The following UTRN variants were observed in gnomAD, a reference collection of about 807,000 sequenced individuals.
The protein encoded by UTRN is dystrophin-related protein 1.
A neutral mutation model predicts 463.9 loss-of-function variants in UTRN; 283 were observed. That is an observed-to-expected ratio of 0.61 (90% CI 0.55 to 0.67). The LOEUF (loss-of-function observed/expected upper bound fraction) is 0.67, where lower values mean the gene tolerates loss of function less well. Ranked by LOEUF, UTRN falls within the 30% of genes least tolerant of loss-of-function variation. UTRN has a pLI of 0.00. For missense variants in UTRN, 3,922 were observed against 4,084.3 expected, an observed-to-expected ratio of 0.96 and a Z score of 1.08; for synonymous variants, 1,442 against 1,431.5, an observed-to-expected ratio of 1.01 and a Z score of -0.17.
chr6:144,644,017 A>G (rs1778043790), intron 51 of UTRN, among the ~76,000 whole-genome samples: 1 of 152,282 alleles, frequency 6.6e-6, no homozygotes, highest in East Asian at 1.9e-4. Flanking sequence ...TCTTCTTAAT[A>G]TTGAATCACG....
intron 2 of UTRN, chr6:144,398,399 ATTC>A (rs1366294027): frequency 5.2e-6 from 2 of 382,050 alleles, no homozygotes; most frequent in African/African-American, 4.3e-5. Flanking sequence ...TCTGGCTGGG[ATTC>A]TTCTTGCATT....
intron 72 of UTRN, among the ~76,000 whole-genome samples, chr6:144,840,119 C>T (rs995160735): frequency 9.9e-5 from 15 of 151,632 alleles, no homozygotes; most frequent in East Asian, 3.9e-4. Context: ...ACCTGGGAGG[C>T]GGAGGTTGCA....
At position 144,305,057 on chromosome 6, in the gene UTRN, G is replaced by A. The variant is rs61327932; in HGVS notation, c.79+13150G>A. On this transcript the variant is annotated intron_variant, in intron 2 of 74. Coordinates refer to ENST00000367545, the MANE Select transcript of UTRN (RefSeq NM_007124.3). Reference sequence around the variant, plus strand: ...AACAATTCTTGTGCCTCAGCCACCCGAATAGCTGAGATTACAGGCATATAC... The same window carrying A: ...AACAATTCTTGTGCCTCAGCCACCCAAATAGCTGAGATTACAGGCATATAC... Among the ~76,000 whole-genome samples the A allele has an allele frequency of 8.4e-3, 1,276 of 151,718 alleles. 76 individuals carry two copies. In the East Asian group the frequency reaches 0.16, roughly 19 times the overall value.
intron 51 of UTRN, among the ~76,000 whole-genome samples, chr6:144,656,400 C>G (rs1485647437): frequency 2.0e-5 from 3 of 152,148 alleles, no homozygotes; most frequent in Non-Finnish European, 2.9e-5. Context: ...TGTGTACTGA[C>G]TTTAAACTAA....
At chr6:144,732,237 T>TACAC (rs1554359903) in intron 54 of UTRN, among the ~76,000 whole-genome samples, 21 of 87,340 alleles carry the variant, frequency 2.4e-4, no homozygotes, top group Middle Eastern at 5.2e-3. Flanking sequence ...TATATATATA[T>TACAC]ACATATATAT....
At chr6:144,321,403 C>T (rs6905439) in intron 2 of UTRN, among the ~76,000 whole-genome samples, 78 of 151,664 alleles carry the variant, frequency 5.1e-4, no homozygotes, top group African/African-American at 1.8e-3. Flanking sequence ...AAGTAGCTTG[C>T]CCAACACGGG....
intron 34 of UTRN, among the ~76,000 whole-genome samples, chr6:144,508,431 G>A (rs1043744623): frequency 6.6e-6 from 1 of 152,194 alleles, no homozygotes; most frequent in Non-Finnish European, 1.5e-5. Flanking sequence ...CTTGAGAAAA[G>A]TGTAGTATCT....
intron 50 of UTRN, among the ~76,000 whole-genome samples, chr6:144,559,618 G>C (rs1369773546): frequency 6.6e-6 from 1 of 152,042 alleles, no homozygotes; most frequent in African/African-American, 2.4e-5. Context: ...AACTTTAATG[G>C]ATACGAGTGA....
At chr6:144,333,799 C>A (rs1776508125) in intron 2 of UTRN, among the ~76,000 whole-genome samples, 1 of 152,214 alleles carries the variant, frequency 6.6e-6, no homozygotes, top group South Asian at 2.1e-4. Context: ...GAAAAAGATA[C>A]ACTTATATAC....
intron 53 of UTRN, among the ~76,000 whole-genome samples, chr6:144,723,756 C>A (rs999301910): frequency 6.6e-6 from 1 of 152,030 alleles, no homozygotes; most frequent in Non-Finnish European, 1.5e-5. Flanking sequence ...AATCCCAGCA[C>A]TTTGGGAGGC....
rs947134094 is a variant in UTRN at position 144,514,016 on chromosome 6, T to A, written c.5052T>A (p.Ser1684Arg). Residue 1684 changes from serine to arginine, a missense_variant, in exon 36 of 75, where the codon AGT becomes AGA. Physicochemically the swap from Ser to Arg is moderately radical, Grantham distance 110 (BLOSUM62 -1). Coordinates refer to ENST00000367545, the MANE Select transcript of UTRN (RefSeq NM_007124.3). ...ATGAAATTGAAAAGAAACCAACAAG[T>A]AAACAGGAAGAAATTGTGAAGGTAG... ...LLDEIEKKPT[S>R]KQEEIVKRLV... 1.9e-6 allele frequency: 3 copies of A among 1,613,898 alleles called. No homozygotes were observed. Among genetic ancestry groups the A allele is most frequent in the Non-Finnish European group, 2.5e-6 (3 of 1,179,874 alleles).
chr6:144,444,180 A>AT (rs1343134284), intron 13 of UTRN, 101 bp from the exon 14 acceptor site: 4 of 926,108 alleles, frequency 4.3e-6, no homozygotes, highest in Non-Finnish European at 6.3e-6. Flanking sequence ...ATAAGTTGTT[A>AT]TTCTATAATA....
chr6:144,350,438 A>G (rs902169425), intron 2 of UTRN, among the ~76,000 whole-genome samples: 1 of 152,138 alleles, frequency 6.6e-6, no homozygotes, highest in African/African-American at 2.4e-5. Flanking sequence ...CAAAATTGAA[A>G]CCATCCTGAT....
chr6:144,371,516 A>G (rs1051248738), intron 2 of UTRN, among the ~76,000 whole-genome samples: 1 of 152,166 alleles, frequency 6.6e-6, no homozygotes, highest in Non-Finnish European at 1.5e-5. Context: ...GGTTCAAGCA[A>G]TTCTCCTGCC....
chr6:144,829,281 C>CTTAGATAT (rs1349289070), intron 69 of UTRN, among the ~76,000 whole-genome samples: 3 of 152,070 alleles, frequency 2.0e-5, no homozygotes, highest in African/African-American at 4.8e-5. Context: ...CTGACCCACA[C>CTTAGATAT]ATACTTAGAT....
chr6:144,538,190 G>A (rs1562542658), intron 44 of UTRN, among the ~76,000 whole-genome samples: 1 of 151,974 alleles, frequency 6.6e-6, no homozygotes, highest in Non-Finnish European at 1.5e-5. Flanking sequence ...TTGTTGGTTT[G>A]CAACTAACAA....
intron 51 of UTRN, among the ~76,000 whole-genome samples, chr6:144,665,138 A>C (rs147912097): frequency 1.5e-3 from 232 of 152,330 alleles, no homozygotes; most frequent in Non-Finnish European, 2.9e-3. Flanking sequence ...CACTGTTGCC[A>C]CATAAGGTTA....
At position 144,789,380 on chromosome 6, in the gene UTRN, TTC is replaced by T. The variant is rs941961933; in HGVS notation, c.8920+109_8920+110del. On this transcript the variant is annotated intron_variant, in intron 62 of 74. Coordinates refer to ENST00000367545, the MANE Select transcript of UTRN (RefSeq NM_007124.3). Reference sequence around the variant, plus strand: ...TTATATAATTTGTTAGTAGTAATAGTTCTCTCTCTTTTTTTAACCCTTACTGT... The same window carrying T: ...TTATATAATTTGTTAGTAGTAATAGTTCTCTCTTTTTTTAACCCTTACTGT... 12 of 1,020,714 alleles carry T rather than the reference TTC, an allele frequency of 1.2e-5. No homozygotes were observed. In the African/African-American group the frequency reaches 1.8e-4, roughly 15 times the overall value. The allele number at this position is 1,020,714 out of a possible 1,614,324, so 63.2% of individuals were successfully genotyped here. A position where few individuals can be genotyped will look rare whatever the true frequency, so the allele number is the denominator to read the frequency against.
intron 43 of UTRN, among the ~76,000 whole-genome samples, chr6:144,535,979 C>T (rs1797494085): frequency 6.6e-6 from 1 of 152,086 alleles, no homozygotes; most frequent in East Asian, 1.9e-4. Flanking sequence ...AAGGTCTTGC[C>T]ATGTTGTCCA....
Sources: gnomAD v4.1 joint callset for allele counts (sites outside exome capture counted in the v4.1 genomes callset) on GRCh38, gnomAD v4.1.1 for gene constraint, MANE v1.5 for transcripts, NCBI Gene and HGNC (gene_info 2026-07-23, HGNC 2026-07-21) for gene names.